The following FCER1A variants were observed in gnomAD, a reference collection of about 807,000 sequenced individuals.
FCER1A encodes high affinity immunoglobulin epsilon receptor subunit alpha.
A neutral mutation model predicts 23.6 loss-of-function variants in FCER1A; 24 were observed. The observed-to-expected ratio is 1.02, with a 90% CI of 0.74 to 1.43. The LOEUF (loss-of-function observed/expected upper bound fraction) is 1.43, where lower values mean the gene tolerates loss of function less well. FCER1A is among the 40% of genes most tolerant of loss of function. FCER1A has a pLI of 0.00. For missense variants in FCER1A, 318 were observed against 294.5 expected (o/e 1.08, Z -0.58); for synonymous variants, 121 against 108.8 (o/e 1.11, Z -0.70).
At chr1:159,295,314 T>C (rs1557967417) in intron 1 of FCER1A, among the ~76,000 whole-genome samples, 1 of 152,154 alleles carries the variant, frequency 6.6e-6, no homozygotes, top group Admixed American at 6.6e-5. Flanking sequence ...CCCTCATTCA[T>C]AGGTGCAGCA....
At chr1:159,302,830 T>G (rs1156559650) in intron 1 of FCER1A, 24 bp from the exon 2 acceptor site, 1 of 1,609,912 alleles carries the variant, frequency 6.2e-7, no homozygotes, top group Non-Finnish European at 8.5e-7. Flanking sequence ...TGGACACTAA[T>G]GTATCCTCTC....
At chr1:159,301,579 GTC>G (rs1403917378), upstream of FCER1A, among the ~76,000 whole-genome samples, 1 of 152,212 alleles carries the variant, frequency 6.6e-6, no homozygotes, top group African/African-American at 2.4e-5. Context: ...AGAAAGAGGA[GTC>G]TCTGAAAATG....
chr1:159,302,498 G>A, intron 1 of FCER1A, 79 bp downstream of exon 1: 3 of 995,978 alleles, frequency 3.0e-6, no homozygotes, highest in Non-Finnish European at 3.2e-6. Flanking sequence ...CCTTTACTGT[G>A]GGTGGTGACT....
chr1:159,296,806 C>CT lies in FCER1A; in HGVS notation c.-59-5498dup, dbSNP rs754179482. ...ACATACATACATTCTCATGCATAAA[C>CT]TTACATTTCCTAAAGGCCTTTTGTA... is the stretch of plus-strand genomic sequence containing the variant. On this transcript the variant is annotated intron_variant, in intron 1 of 5. Transcript: ENST00000368115. Among the ~76,000 whole-genome samples the CT allele has an allele frequency of 5.3e-4, 80 of 152,274 alleles. 1 individual carries two copies. In the East Asian group the frequency reaches 0.014, roughly 26 times the overall value.
At chr1:159,292,978 A>C (rs2102217632) in intron 1 of FCER1A, among the ~76,000 whole-genome samples, 1 of 152,148 alleles carries the variant, frequency 6.6e-6, no homozygotes, top group Middle Eastern at 3.4e-3. Context: ...AGTCCCCATT[A>C]AGAAAGAATG....
At chr1:159,288,782 T>G (rs2102213271), upstream of FCER1A, among the ~76,000 whole-genome samples, 1 of 152,324 alleles carries the variant, frequency 6.6e-6, no homozygotes, top group East Asian at 1.9e-4. Context: ...AGGGCACCTG[T>G]TCTCTCATCC....
chr1:159,305,443 G>A (rs1258073090), intron 3 of FCER1A, among the ~76,000 whole-genome samples: 1 of 152,186 alleles, frequency 6.6e-6, no homozygotes. Context: ...AGAATAGAAT[G>A]TAGAACTAGA....
chr1:159,305,271 T>A (rs190889157), intron 3 of FCER1A, among the ~76,000 whole-genome samples: 1 of 152,372 alleles, frequency 6.6e-6, no homozygotes, highest in East Asian at 1.9e-4. Context: ...CGATATTTCC[T>A]TTCAAAATTC....
chr1:159,296,661 A>T (rs1417671849), intron 1 of FCER1A, among the ~76,000 whole-genome samples: 1 of 152,228 alleles, frequency 6.6e-6, no homozygotes, highest in East Asian at 1.9e-4. Context: ...AAAGATGTGC[A>T]GAATCAGGCC....
chr1:159,298,402 A>T (rs974315946), upstream of FCER1A, among the ~76,000 whole-genome samples: 1 of 152,180 alleles, frequency 6.6e-6, no homozygotes, highest in African/African-American at 2.4e-5. Flanking sequence ...TAATGAGTTC[A>T]CATGAGAGCT....
At chr1:159,305,928 C>A in intron 3 of FCER1A, 60 bp from the exon 4 acceptor site, 1 of 1,463,250 alleles carries the variant, frequency 6.8e-7, no homozygotes, top group Non-Finnish European at 9.5e-7. Context: ...TCTCTTTTCT[C>A]TATTCATTCT....
At chr1:159,290,692 T>C (rs1652127812) in intron 1 of FCER1A, among the ~76,000 whole-genome samples, 1 of 152,192 alleles carries the variant, frequency 6.6e-6, no homozygotes, top group Admixed American at 6.5e-5. Context: ...ACCTGTTTCA[T>C]AGGATTCCTG....
At chr1:159,292,241 A>AT (rs1409674913) in intron 1 of FCER1A, among the ~76,000 whole-genome samples, 4 of 151,808 alleles carry the variant, frequency 2.6e-5, no homozygotes, top group Admixed American at 6.6e-5. Flanking sequence ...GTCTCTCAAC[A>AT]TTTTTTTTGT....
chr1:159,307,656 G>GC, intron 4 of FCER1A, 92 bp from the exon 5 acceptor site: 1 of 897,068 alleles, frequency 1.1e-6, no homozygotes, highest in Non-Finnish European at 1.7e-6. Flanking sequence ...GACAAAGCTT[G>GC]GTCTTTCTCT....
rs1448746870 is a variant in FCER1A at position 159,307,960 on chromosome 1, A to T, written c.*28A>T. The stretch of plus-strand genomic sequence containing the variant: ...TAATTACTCAAGAAATATTTGCAAC[A>T]TTAGTTTTTTTCCAGCATCAGCAAT... On this transcript the variant is annotated 3_prime_UTR_variant, in exon 5 of 5. Transcript: ENST00000693622. 6.5e-7 allele frequency: 1 copy of T among 1,547,482 alleles called. No individual in the cohort carries two copies. The highest frequency in any genetic ancestry group is 1.8e-5 in the Admixed American group (1 of 56,408).
At chr1:159,294,692 C>T (rs1392679668) in intron 1 of FCER1A, among the ~76,000 whole-genome samples, 1 of 151,958 alleles carries the variant, frequency 6.6e-6, no homozygotes, top group Non-Finnish European at 1.5e-5. Flanking sequence ...ACTTGTTGAA[C>T]AAAGAAATGA....
upstream of FCER1A, among the ~76,000 whole-genome samples, chr1:159,301,279 C>G (rs1411790412): frequency 6.6e-6 from 1 of 152,072 alleles, no homozygotes; most frequent in Non-Finnish European, 1.5e-5. Context: ...TGACAAGCCA[C>G]TATAGACATT....
At chr1:159,304,224 G>A in intron 3 of FCER1A, 42 bp downstream of exon 3, 1 of 1,581,858 alleles carries the variant, frequency 6.3e-7, no homozygotes, top group Non-Finnish European at 8.6e-7. Context: ...CTCATGTGAG[G>A]GATGGCTCAT....
upstream of FCER1A, among the ~76,000 whole-genome samples, chr1:159,289,068 A>G (rs576664547): frequency 6.6e-6 from 1 of 152,288 alleles, no homozygotes; most frequent in African/African-American, 2.4e-5. Flanking sequence ...GTCACTTCTA[A>G]CAAATATCCC....
Sources: allele counts gnomAD v4.1 joint callset (sites outside exome capture counted in the v4.1 genomes callset), GRCh38; gene constraint gnomAD v4.1.1; transcripts MANE v1.5; gene names NCBI Gene and HGNC (gene_info 2026-07-23, HGNC 2026-07-21).